Variants in ZFPM1 observed in about 807,000 individuals in gnomAD.
ZFPM1 encodes zinc finger protein ZFPM1.
Under a neutral mutation model 46.3 loss-of-function variants are expected in ZFPM1, and 28 were observed. That is an observed-to-expected ratio of 0.60 (90% CI 0.45 to 0.83). The LOEUF (loss-of-function observed/expected upper bound fraction) is 0.83, where lower values mean the gene tolerates loss of function less well. ZFPM1 is among the 40% of genes least tolerant of loss of function. ZFPM1 has a pLI of 0.00. For missense variants in ZFPM1, 1,878 were observed against 1,432.4 expected (o/e 1.31, Z -5.02); for synonymous variants, 957 against 675.9 (o/e 1.42, Z -6.45).
At chr16:88,467,966 A>G (rs1908215572) in intron 1 of ZFPM1, among the ~76,000 whole-genome samples, 1 of 151,724 alleles carries the variant, frequency 6.6e-6, no homozygotes, top group African/African-American at 2.4e-5. Flanking sequence ...TGCCAGGAAC[A>G]AAAGTGAGAA....
intron 2 of ZFPM1, among the ~76,000 whole-genome samples, chr16:88,487,403 C>T (rs1026299393): frequency 6.6e-6 from 1 of 152,202 alleles, no homozygotes; most frequent in Non-Finnish European, 1.5e-5. Flanking sequence ...CATACCCGGA[C>T]CATTTGGGAG....
In ZFPM1 at chr16:88,528,028, C is replaced by G. The variant is rs1361809558; in HGVS notation, c.506-4C>G. ...CCTAGGTTTGGACACCTGTCTCCCTCCAGATGACGCACTCTGGTGCAGGGT... is the reference window on the plus strand; with the variant it reads ...CCTAGGTTTGGACACCTGTCTCCCTGCAGATGACGCACTCTGGTGCAGGGT... On this transcript the variant is annotated splice_polypyrimidine_tract_variant and splice_region_variant and intron_variant, in intron 5 of 9. Transcript: ENST00000319555. The G allele has an allele frequency of 2.0e-5, 30 of 1,536,774 alleles. No individual in the cohort carries two copies. The highest frequency in any genetic ancestry group is 2.1e-5 in the Non-Finnish European group (24 of 1,136,994).
intron 1 of ZFPM1, among the ~76,000 whole-genome samples, chr16:88,455,921 G>T (rs1346738463): frequency 1.3e-5 from 2 of 152,184 alleles, no homozygotes; most frequent in Non-Finnish European, 2.9e-5. Context: ...CCTCCCGCCC[G>T]AGTCGATGTG....
chr16:88,470,526 G>A (rs568947311), intron 1 of ZFPM1, among the ~76,000 whole-genome samples: 10 of 151,294 alleles, frequency 6.6e-5, no homozygotes, highest in African/African-American at 2.4e-4. Flanking sequence ...TGAGGATGTG[G>A]CACGGTGTGG....
At chr16:88,477,919 C>A (rs956382865) in intron 1 of ZFPM1, among the ~76,000 whole-genome samples, 1 of 151,968 alleles carries the variant, frequency 6.6e-6, no homozygotes, top group African/African-American at 2.4e-5. Context: ...GAGGCTGCTT[C>A]AGTGGGCTTG....
rs570344826 is a variant in ZFPM1 at position 88,534,321 on chromosome 16, G to C, written c.2363G>C (p.Gly788Ala). 1.3e-5 allele frequency: 17 copies of C among 1,334,786 alleles called. No individual in the cohort carries two copies. The South Asian group carries it at 2.7e-4, about 21-fold the overall frequency. The allele number at this position is 1,334,786 out of a possible 1,614,324, so 82.7% of individuals were successfully genotyped here. ...GPGLAPARSP[G>A]PAADGPIDLS... Reference sequence around the variant, plus strand: ...GGCCTCGCCCCTGCGCGCTCGCCCGGCCCCGCGGCCGACGGCCCCATCGAC... The same window carrying C: ...GGCCTCGCCCCTGCGCGCTCGCCCGCCCCCGCGGCCGACGGCCCCATCGAC... The change falls in exon 10 of 10, where the codon GGC becomes GCC. Residue 788 changes from glycine to alanine, a missense_variant. Transcript: ENST00000319555.
At chr16:88,505,648 T>C (rs12926163) in intron 3 of ZFPM1, among the ~76,000 whole-genome samples, 50,723 of 151,994 alleles carry the variant, frequency 0.33, 8,875 homozygotes, top group African/African-American at 0.43. Flanking sequence ...ATACCTGGCA[T>C]CTACCATTCC....
intron 3 of ZFPM1, among the ~76,000 whole-genome samples, chr16:88,508,800 G>A (rs1055769384): frequency 2.6e-5 from 4 of 152,182 alleles, no homozygotes; most frequent in Non-Finnish European, 2.9e-5. Flanking sequence ...CCCAGATTAC[G>A]GGCTTTTCCC....
chr16:88,457,163 G>C (rs1025781111), intron 1 of ZFPM1, among the ~76,000 whole-genome samples: 1 of 152,262 alleles, frequency 6.6e-6, no homozygotes, highest in Non-Finnish European at 1.5e-5. Context: ...GTTCCAGAGA[G>C]GGCTGGGTTG....
chr16:88,482,843 C>G (rs563814334), intron 1 of ZFPM1, among the ~76,000 whole-genome samples: 1 of 152,214 alleles, frequency 6.6e-6, no homozygotes, highest in Non-Finnish European at 1.5e-5. Flanking sequence ...CTGAGCTGAT[C>G]GTTCCGCGTG....
intron 9 of ZFPM1, 94 bp from the exon 10 acceptor site, chr16:88,533,054 C>T: frequency 1.0e-5 from 14 of 1,403,296 alleles, no homozygotes; most frequent in Admixed American, 2.2e-5. Context: ...AAACCACTCC[C>T]GCCCACCCCT....
intron 4 of ZFPM1, among the ~76,000 whole-genome samples, chr16:88,515,128 G>A (rs1003084633): frequency 4.9e-4 from 74 of 152,342 alleles, no homozygotes; most frequent in African/African-American, 1.7e-3. Flanking sequence ...CTCCGAAGAG[G>A]GTATAATGGT....
intron 2 of ZFPM1, among the ~76,000 whole-genome samples, chr16:88,486,342 C>T (rs372482734): frequency 3.9e-5 from 6 of 152,358 alleles, no homozygotes; most frequent in African/African-American, 1.4e-4. Flanking sequence ...GGATGGGAAT[C>T]CATGCCCCTC....
At chr16:88,495,299 G>A (rs558242341) in intron 3 of ZFPM1, among the ~76,000 whole-genome samples, 30 of 152,342 alleles carry the variant, frequency 2.0e-4, no homozygotes, top group Admixed American at 4.6e-4. Flanking sequence ...GCCGAAGAGC[G>A]TGGGGGCTGG....
At chr16:88,452,953 C>T (rs1442655703), upstream of ZFPM1, among the ~76,000 whole-genome samples, 1 of 148,822 alleles carries the variant, frequency 6.7e-6, no homozygotes, top group Non-Finnish European at 1.5e-5. Context: ...CCCCGGGGCG[C>T]GGGCGGGGCC....
intron 2 of ZFPM1, among the ~76,000 whole-genome samples, chr16:88,486,246 A>G (rs1346061313): frequency 6.6e-6 from 1 of 152,206 alleles, no homozygotes; most frequent in Non-Finnish European, 1.5e-5. Flanking sequence ...GGAGATGTGC[A>G]CACCTGCTGC....
chr16:88,495,609 C>G (rs1166531561), intron 3 of ZFPM1, among the ~76,000 whole-genome samples: 1 of 152,202 alleles, frequency 6.6e-6, no homozygotes, highest in African/African-American at 2.4e-5. Flanking sequence ...TGGCCTGAGA[C>G]CTGACGCTAA....
At chr16:88,468,868 C>T (rs186173089) in intron 1 of ZFPM1, 1 of 152,464 alleles carries the variant, frequency 6.6e-6, no homozygotes, top group Non-Finnish European at 1.5e-5. Context: ...CATCCTGGAC[C>T]CTGCCCCAGG....
intron 3 of ZFPM1, among the ~76,000 whole-genome samples, chr16:88,502,660 T>A (rs58808212): frequency 0.014 from 2,142 of 152,318 alleles, 45 homozygotes; most frequent in African/African-American, 0.049. Context: ...AGCCACCCGG[T>A]CCGGGCTGCC....
Sources: allele counts gnomAD v4.1 joint callset (sites outside exome capture counted in the v4.1 genomes callset), GRCh38; gene constraint gnomAD v4.1.1; transcripts MANE v1.5; gene names NCBI Gene and HGNC (gene_info 2026-07-23, HGNC 2026-07-21).